Variants in RSRC1 observed in about 807,000 individuals in gnomAD.
RSRC1 encodes arginine and serine rich coiled-coil 1, also known as serine/Arginine-related protein 53.
A neutral mutation model predicts 49.1 loss-of-function variants in RSRC1; 39 were observed. The ratio of observed to expected loss-of-function variants is 0.79; its 90% CI spans 0.61 to 1.04. RSRC1 has a LOEUF of 1.04. Ranked by LOEUF, RSRC1 falls within the 50% of genes least tolerant of loss-of-function variation. The probability of loss-of-function intolerance (pLI) is 0.00; values close to 1 mark genes in which losing one functional copy is unlikely to be tolerated. For missense variants in RSRC1, 388 were observed against 402.4 expected, an observed-to-expected ratio of 0.96 and a Z score of 0.31; for synonymous variants, 143 against 130.8, an observed-to-expected ratio of 1.09 and a Z score of -0.63.
intron 3 of RSRC1, among the ~76,000 whole-genome samples, chr3:158,198,374 C>A (rs1720781829): frequency 6.6e-6 from 1 of 151,986 alleles, no homozygotes; most frequent in Non-Finnish European, 1.5e-5. Context: ...TTATTTTGAG[C>A]TTATGTGTAT....
chr3:158,522,593 GA>G (rs1473834832), intron 7 of RSRC1, among the ~76,000 whole-genome samples: 3 of 152,142 alleles, frequency 2.0e-5, no homozygotes, highest in Non-Finnish European at 2.9e-5. Context: ...GCGTCAAAAT[GA>G]CGACCAAATG....
chr3:158,194,054 TACACAC>T (rs10530687), intron 3 of RSRC1, among the ~76,000 whole-genome samples: 5,250 of 144,088 alleles, frequency 0.036, 136 homozygotes, highest in South Asian at 0.073. Context: ...ACCCCGTCTA[TACACAC>T]ACACACACAC....
intron 3 of RSRC1, among the ~76,000 whole-genome samples, chr3:158,180,107 T>A (rs2108250779): frequency 6.6e-6 from 1 of 152,252 alleles, no homozygotes; most frequent in East Asian, 1.9e-4. Context: ...TTTTTACTAT[T>A]GAGTTTTGAG....
intron 7 of RSRC1, among the ~76,000 whole-genome samples, chr3:158,515,876 T>A (rs528624762): frequency 1.4e-4 from 22 of 152,242 alleles, no homozygotes; most frequent in African/African-American, 5.1e-4. Flanking sequence ...TACCCTTTCT[T>A]CCAGTTGATC....
At chr3:158,416,422 T>A (rs1363786900) in intron 6 of RSRC1, among the ~76,000 whole-genome samples, 1 of 152,084 alleles carries the variant, frequency 6.6e-6, no homozygotes, top group East Asian at 1.9e-4. Flanking sequence ...CTTCCACTTC[T>A]TGTCTCTTGG....
chr3:158,473,939 C>T (rs1022510130), intron 7 of RSRC1, among the ~76,000 whole-genome samples: 15 of 152,068 alleles, frequency 9.9e-5, no homozygotes, highest in African/African-American at 3.1e-4. Flanking sequence ...AGTATTCTTA[C>T]TTAGGATATT....
intron 7 of RSRC1, among the ~76,000 whole-genome samples, chr3:158,463,545 A>G (rs1737726924): frequency 6.6e-6 from 1 of 152,058 alleles, no homozygotes; most frequent in South Asian, 2.1e-4. Flanking sequence ...TTAATTTCTC[A>G]TCATGCTGAT....
intron 3 of RSRC1, among the ~76,000 whole-genome samples, chr3:158,168,471 G>T (rs1202101383): frequency 6.6e-6 from 1 of 152,184 alleles, no homozygotes; most frequent in African/African-American, 2.4e-5. Context: ...GAGAACAAGA[G>T]TGGTTTTTCC....
In RSRC1 at chr3:158,242,494, A is replaced by C. The variant is rs143599539; in HGVS notation, c.494+39249A>C. On this transcript the variant is annotated intron_variant, in intron 4 of 9. Coordinates refer to ENST00000611884, the MANE Select transcript of RSRC1 (RefSeq NM_001271838.2). ...GGATTTCATGTCTTTGCTATTGTGA[A>C]TAATGCTGTAATGAACACACGTGTG... is the stretch of plus-strand genomic sequence containing the variant. 5.7e-3 allele frequency among the ~76,000 whole-genome samples: 864 copies of C among 152,288 alleles called. 10 individuals carry two copies. Among genetic ancestry groups the C allele is most frequent in the African/African-American group, 0.02 (842 of 41,574 alleles).
intron 3 of RSRC1, among the ~76,000 whole-genome samples, chr3:158,128,440 A>G (rs1715776628): frequency 6.6e-6 from 1 of 152,166 alleles, no homozygotes; most frequent in African/African-American, 2.4e-5. Flanking sequence ...TCTTGGGGGA[A>G]TGAGGGCTGG....
chr3:158,451,582 C>T (rs1041171445), intron 6 of RSRC1, among the ~76,000 whole-genome samples: 1 of 151,968 alleles, frequency 6.6e-6, no homozygotes, highest in African/African-American at 2.4e-5. Context: ...TAACATGAAA[C>T]TTCAAAGGAA....
chr3:158,200,613 C>A (rs79471187), intron 3 of RSRC1, among the ~76,000 whole-genome samples: 1 of 151,538 alleles, frequency 6.6e-6, no homozygotes, highest in East Asian at 1.9e-4. Flanking sequence ...TTAATAATTC[C>A]TTTAAAAGCA....
Position 158,146,128 on chromosome 3 carries a change from C to G in RSRC1, c.320+22137C>G, listed in dbSNP as rs572831023. 2.5e-4 allele frequency among the ~76,000 whole-genome samples: 38 copies of G among 152,250 alleles called. No homozygotes were observed. In the South Asian group the frequency reaches 3.1e-3, roughly 12 times the overall value. ...AATTGAATACCCTTTATTCCTTTCTCCTGCCTGATTGCCCTGGTCAGAACT... is the reference window on the plus strand; with the variant it reads ...AATTGAATACCCTTTATTCCTTTCTGCTGCCTGATTGCCCTGGTCAGAACT... On this transcript the variant is annotated intron_variant, in intron 3 of 9. Coordinates refer to ENST00000611884, the MANE Select transcript of RSRC1 (RefSeq NM_001271838.2).
At chr3:158,543,158 A>G (rs916696329) in intron 8 of RSRC1, among the ~76,000 whole-genome samples, 177 bp from the exon 9 acceptor site, 11 of 152,190 alleles carry the variant, frequency 7.2e-5, no homozygotes, top group African/African-American at 2.7e-4. Flanking sequence ...AAACAAATAT[A>G]AAAATAAAAT....
rs1285964557 is a variant in RSRC1 at position 158,539,145 on chromosome 3, G to A, written c.759+1947G>A. Among the ~76,000 whole-genome samples the A allele has an allele frequency of 1.3e-5, 2 of 151,910 alleles. No individual in the cohort carries two copies. The highest frequency in any genetic ancestry group is 4.8e-5 in the African/African-American group (2 of 41,402). ...GAGGACTGAGTTACCCATGATCCTA[G>A]TTTCAACATATTTTTCTCCTGGACA... On this transcript the variant is annotated intron_variant, in intron 8 of 9. Coordinates refer to ENST00000611884, the MANE Select transcript of RSRC1 (RefSeq NM_001271838.2). The surrounding 1 kb of genome is among the most constrained non-coding windows in gnomAD (Gnocchi z 4.1).
At chr3:158,520,777 G>T (rs570850613) in intron 7 of RSRC1, among the ~76,000 whole-genome samples, 1 of 152,124 alleles carries the variant, frequency 6.6e-6, no homozygotes, top group African/African-American at 2.4e-5. Flanking sequence ...TGATAGTTTT[G>T]TGATTATTAA....
At chr3:158,133,245 T>C (rs115833117) in intron 3 of RSRC1, among the ~76,000 whole-genome samples, 3,272 of 152,290 alleles carry the variant, frequency 0.021, 123 homozygotes, top group African/African-American at 0.075. Flanking sequence ...ATAGAAATGA[T>C]CCAGTTGATT....
intron 6 of RSRC1, among the ~76,000 whole-genome samples, chr3:158,386,921 A>G (rs1018993852): frequency 2.2e-4 from 33 of 152,208 alleles, no homozygotes; most frequent in Admixed American, 2.0e-3. Flanking sequence ...AATAAAATGA[A>G]TATTTTGAGC....
chr3:158,174,923 T>A (rs1251500363), intron 3 of RSRC1, among the ~76,000 whole-genome samples: 1 of 152,088 alleles, frequency 6.6e-6, no homozygotes. Context: ...TTATACTCAT[T>A]TAAATCCCTA....
Sources: gnomAD v4.1 joint callset for allele counts (sites outside exome capture counted in the v4.1 genomes callset) on GRCh38, gnomAD v4.1.1 for gene constraint, Gnocchi (gnomAD v3.1) non-coding constraint, MANE v1.5 for transcripts, NCBI Gene and HGNC (gene_info 2026-07-23, HGNC 2026-07-21) for gene names.